DLGAP2: variants seen among roughly 807,000 people sequenced by gnomAD.
DLGAP2 encodes the protein disks large-associated protein 2.
A neutral mutation model predicts 100.3 loss-of-function variants in DLGAP2; 26 were observed. The observed-to-expected ratio is 0.26, with a 90% CI of 0.19 to 0.36. DLGAP2 has a LOEUF of 0.36. Among genes scored for constraint, DLGAP2 ranks in the 10% least tolerant of loss-of-function variants. DLGAP2 has a pLI of 1.00. For synonymous variants in DLGAP2, 886 were observed against 630.1 expected (o/e 1.41, Z -6.08); for missense variants, 1,858 against 1,453.2 (o/e 1.28, Z -4.53).
chr8:984,618 C>A (rs752705686), intron 2 of DLGAP2, among the ~76,000 whole-genome samples: 2 of 152,222 alleles, frequency 1.3e-5, no homozygotes, highest in Non-Finnish European at 2.9e-5. Context: ...ACATCTGCCA[C>A]TCTCCAAGAA....
intron 1 of DLGAP2, among the ~76,000 whole-genome samples, chr8:744,484 C>A (rs776833911): frequency 2.6e-5 from 4 of 152,136 alleles, no homozygotes; most frequent in Non-Finnish European, 5.9e-5. Flanking sequence ...CCTCCCTCTT[C>A]TCCGGCCACG....
intron 2 of DLGAP2, among the ~76,000 whole-genome samples, chr8:1,021,479 T>C (rs574017870): frequency 6.6e-6 from 1 of 152,320 alleles, no homozygotes; most frequent in South Asian, 2.1e-4. Flanking sequence ...TGAGCTCAGC[T>C]AGCATTTTTG....
chr8:1,078,746 C>G (rs1020077055), intron 2 of DLGAP2, among the ~76,000 whole-genome samples: 2 of 152,074 alleles, frequency 1.3e-5, no homozygotes, highest in African/African-American at 4.8e-5. Context: ...TAACTCATTT[C>G]TTTTTAGCCC....
intron 6 of DLGAP2, among the ~76,000 whole-genome samples, chr8:1,584,364 C>T (rs192888482): frequency 4.4e-4 from 67 of 152,296 alleles, no homozygotes; most frequent in African/African-American, 1.5e-3. Context: ...TTAGTCAAAA[C>T]GGGAGCAGAC....
chr8:845,061 C>T (rs1797048962), intron 1 of DLGAP2, among the ~76,000 whole-genome samples: 1 of 152,134 alleles, frequency 6.6e-6, no homozygotes, highest in African/African-American at 2.4e-5. Context: ...TTTATTTATC[C>T]AGTCATCAGT....
At chr8:900,792 C>T (rs908560191) in intron 1 of DLGAP2, among the ~76,000 whole-genome samples, 1 of 152,006 alleles carries the variant, frequency 6.6e-6, no homozygotes, top group African/African-American at 2.4e-5. Context: ...AATGTGAAGG[C>T]AAGAGAATGT....
chr8:1,000,173 G>C (rs112026391), intron 2 of DLGAP2, among the ~76,000 whole-genome samples: 1 of 150,478 alleles, frequency 6.6e-6, no homozygotes, highest in African/African-American at 2.4e-5. Flanking sequence ...AGAGCAGACA[G>C]ATCCGGGTGG....
At chr8:1,280,898 C>T (rs1015428867) in intron 3 of DLGAP2, among the ~76,000 whole-genome samples, 1 of 152,140 alleles carries the variant, frequency 6.6e-6, no homozygotes, top group Non-Finnish European at 1.5e-5. Flanking sequence ...CTATTACATG[C>T]GTATTCTGGG....
chr8:1,566,726 C>T (rs1397060620), intron 6 of DLGAP2, among the ~76,000 whole-genome samples: 2 of 152,216 alleles, frequency 1.3e-5, no homozygotes, highest in Non-Finnish European at 2.9e-5. Context: ...TGTCTCTATC[C>T]ACGCCGAGTG....
chr8:1,358,991 C>A (rs906862839), intron 3 of DLGAP2, among the ~76,000 whole-genome samples: 2 of 152,188 alleles, frequency 1.3e-5, no homozygotes, highest in African/African-American at 2.4e-5. Flanking sequence ...CCCTGCACAT[C>A]AGAAGCTGCT....
chr8:1,618,885 C>T (rs1340141718), intron 6 of DLGAP2, among the ~76,000 whole-genome samples: 4 of 152,134 alleles, frequency 2.6e-5, no homozygotes, highest in Non-Finnish European at 4.4e-5. Flanking sequence ...ACGAGTAGCA[C>T]CCTCCTCTAA....
intron 2 of DLGAP2, among the ~76,000 whole-genome samples, chr8:1,209,207 A>T (rs1273146552): frequency 6.6e-6 from 1 of 152,214 alleles, no homozygotes; most frequent in Non-Finnish European, 1.5e-5. Flanking sequence ...AAGACTAAGC[A>T]AAAAGAACGA....
chr8:1,055,665 C>T (rs1044060963), intron 2 of DLGAP2, among the ~76,000 whole-genome samples: 4 of 152,194 alleles, frequency 2.6e-5, no homozygotes, highest in African/African-American at 9.7e-5. Context: ...CCGTTGGTCA[C>T]CGTCTTCCAG....
chr8:1,561,741 G>C (rs1357110805), intron 5 of DLGAP2, among the ~76,000 whole-genome samples: 1 of 140,002 alleles, frequency 7.1e-6, no homozygotes, highest in Admixed American at 7.1e-5. Context: ...TCGTTTCTGG[G>C]GGACTGTGTG....
intron 8 of DLGAP2, among the ~76,000 whole-genome samples, chr8:1,663,790 A>T (rs1262637000): frequency 4.6e-5 from 7 of 152,308 alleles, no homozygotes; most frequent in Admixed American, 1.3e-4. Flanking sequence ...GAGCAAAACA[A>T]GCGTTCCAGC....
At chr8:988,727 G>C (rs973820885) in intron 2 of DLGAP2, among the ~76,000 whole-genome samples, 1 of 152,010 alleles carries the variant, frequency 6.6e-6, no homozygotes, top group Non-Finnish European at 1.5e-5. Context: ...CTGCCCTCTG[G>C]TTCCTGGCCT....
At chr8:1,658,766 G>A (rs561968347) in intron 8 of DLGAP2, among the ~76,000 whole-genome samples, 17 of 152,072 alleles carry the variant, frequency 1.1e-4, no homozygotes, top group Admixed American at 9.8e-4. Flanking sequence ...ACCGGTCCAT[G>A]TATTTTGTTG....
intron 3 of DLGAP2, among the ~76,000 whole-genome samples, chr8:1,266,599 G>A (rs1436324032): frequency 6.6e-6 from 1 of 152,184 alleles, no homozygotes; most frequent in African/African-American, 2.4e-5. Context: ...TCTGTCCAAT[G>A]CTGTTTAACC....
At chr8:862,854 C>G (rs1227944971) in intron 1 of DLGAP2, among the ~76,000 whole-genome samples, 2 of 152,132 alleles carry the variant, frequency 1.3e-5, no homozygotes, top group African/African-American at 4.8e-5. Context: ...GGTCTCTGAT[C>G]ATGATGTTGT....
Sources: gnomAD v4.1 joint callset for allele counts (sites outside exome capture counted in the v4.1 genomes callset) on GRCh38, gnomAD v4.1.1 for gene constraint, MANE v1.5 for transcripts, NCBI Gene and HGNC (gene_info 2026-07-23, HGNC 2026-07-21) for gene names.